CA10: variants seen among roughly 807,000 people sequenced by gnomAD.
CA10 encodes carbonic anhydrase-related protein 10.
CA10 carries 14 observed loss-of-function variants against 44.2 expected under a neutral mutation model. The ratio of observed to expected loss-of-function variants is 0.32; its 90% CI spans 0.21 to 0.50. The LOEUF is 0.50. Ranked by LOEUF, CA10 falls within the 20% of genes least tolerant of loss-of-function variation. The probability of loss-of-function intolerance (pLI) is 0.99; values close to 1 mark genes in which losing one functional copy is unlikely to be tolerated. For missense variants in CA10, 350 were observed against 409.7 expected, an observed-to-expected ratio of 0.85 and a Z score of 1.26; for synonymous variants, 159 against 141.6, an observed-to-expected ratio of 1.12 and a Z score of -0.87.
chr17:51,670,363 G>C (rs1242940631), intron 4 of CA10, among the ~76,000 whole-genome samples: 1 of 152,190 alleles, frequency 6.6e-6, no homozygotes, highest in Non-Finnish European at 1.5e-5. Flanking sequence ...TGAAGTGGGG[G>C]AGGTGAAATA....
intron 2 of CA10, among the ~76,000 whole-genome samples, chr17:52,057,769 AAGC>A (rs1377900573): frequency 6.6e-6 from 1 of 152,152 alleles, no homozygotes; most frequent in Non-Finnish European, 1.5e-5. Context: ...GGATAATAAA[AAGC>A]AGGTCATTTG....
At chr17:51,957,618 C>T (rs926914877) in intron 2 of CA10, among the ~76,000 whole-genome samples, 9 of 152,096 alleles carry the variant, frequency 5.9e-5, no homozygotes, top group African/African-American at 1.9e-4. Flanking sequence ...ACTTGGAGTC[C>T]AAGTCCTGGT....
intron 3 of CA10, among the ~76,000 whole-genome samples, chr17:51,849,700 C>A (rs953630865): frequency 6.6e-6 from 1 of 152,134 alleles, no homozygotes; most frequent in Admixed American, 6.6e-5. Context: ...ATGTGCATTT[C>A]TTTCTTTTCT....
intron 2 of CA10, among the ~76,000 whole-genome samples, chr17:52,024,063 T>C (rs565556828): frequency 1.3e-5 from 2 of 152,238 alleles, no homozygotes; most frequent in South Asian, 4.1e-4. Context: ...ACTCCTACCT[T>C]ATTCTGCACT....
intron 1 of CA10, among the ~76,000 whole-genome samples, chr17:52,147,618 A>T (rs1017631883): frequency 6.6e-6 from 1 of 152,228 alleles, no homozygotes; most frequent in African/African-American, 2.4e-5. Flanking sequence ...GTAGAAAAAC[A>T]GGAATGAAAC....
chr17:51,859,754 GC>G (rs1413915572), intron 3 of CA10, among the ~76,000 whole-genome samples: 1 of 152,140 alleles, frequency 6.6e-6, no homozygotes, highest in East Asian at 1.9e-4. Context: ...AAGACGTGAT[GC>G]AAAAGGGCAT....
chr17:51,946,546 A>T (rs900368226), intron 2 of CA10, among the ~76,000 whole-genome samples: 2 of 152,040 alleles, frequency 1.3e-5, no homozygotes, highest in African/African-American at 4.8e-5. Context: ...CTCTGGCTGG[A>T]TGAGAGTCTG....
At chr17:52,088,681 A>G (rs1435163983) in intron 1 of CA10, among the ~76,000 whole-genome samples, 4 of 152,226 alleles carry the variant, frequency 2.6e-5, no homozygotes, top group Non-Finnish European at 5.9e-5. Context: ...TGCACTTCAA[A>G]ATAGGCATTT....
chr17:51,673,246 A>G (rs963782341), intron 4 of CA10, among the ~76,000 whole-genome samples: 7 of 152,238 alleles, frequency 4.6e-5, no homozygotes, highest in Non-Finnish European at 7.3e-5. Context: ...TTGATGTCCC[A>G]GATGGTAGAG....
chr17:51,859,891 A>C (rs969474136), intron 3 of CA10, among the ~76,000 whole-genome samples: 1 of 152,184 alleles, frequency 6.6e-6, no homozygotes, highest in Non-Finnish European at 1.5e-5. Flanking sequence ...CATGATACAC[A>C]TAAGAATAAA....
chr17:51,701,751 T>C (rs997827127), intron 4 of CA10, among the ~76,000 whole-genome samples: 3 of 152,234 alleles, frequency 2.0e-5, no homozygotes, highest in Admixed American at 2.0e-4. Flanking sequence ...AAAATCCTAT[T>C]TTGACAAATT....
At chr17:51,893,994 T>A (rs1005107512) in intron 3 of CA10, among the ~76,000 whole-genome samples, 1 of 152,208 alleles carries the variant, frequency 6.6e-6, no homozygotes, top group African/African-American at 2.4e-5. Context: ...CAACCTCATA[T>A]CCCATTAAAT....
At position 51,796,720 on chromosome 17, in the gene CA10, A is replaced by G. The variant is rs1032214317; in HGVS notation, c.280-48902T>C. Among the ~76,000 whole-genome samples, 4 of 152,236 alleles carry G rather than the reference A, an allele frequency of 2.6e-5. 1 individual carries two copies. In the South Asian group the frequency reaches 8.3e-4, roughly 32 times the overall value. ...GAAGTCATTCTCCTAACTTTAATGT[A>G]ACATCTGTCATTTCATCCTCTTCCT... On this transcript the variant is annotated intron_variant, in intron 3 of 8. Coordinates refer to ENST00000451037, the MANE Select transcript of CA10 (RefSeq NM_020178.5).
chr17:51,679,010 G>A (rs1040046456), intron 4 of CA10, among the ~76,000 whole-genome samples: 2 of 152,068 alleles, frequency 1.3e-5, no homozygotes, highest in African/African-American at 2.4e-5. Context: ...ATTCCTTCAT[G>A]TTCCAAAGCA....
chr17:51,824,502 A>T (rs1360767561), intron 3 of CA10, among the ~76,000 whole-genome samples: 1 of 152,208 alleles, frequency 6.6e-6, no homozygotes, highest in Non-Finnish European at 1.5e-5. Flanking sequence ...TGTACTTAAA[A>T]ATTCAGAAGT....
rs533574604 is a variant in CA10 at position 52,117,827 on chromosome 17, G to A, written c.61+39899C>T. ...CATGGAAATGTAAATTTTTGCCTAG[G>A]GCTAAAGAATTTTTTAAAATTAGAT... On this transcript the variant is annotated intron_variant, in intron 1 of 8. Coordinates refer to ENST00000451037, the MANE Select transcript of CA10 (RefSeq NM_020178.5). 1.5e-3 allele frequency among the ~76,000 whole-genome samples: 235 copies of A among 152,228 alleles called. 1 individual carries two copies. The highest frequency in any genetic ancestry group is 2.5e-3 in the Non-Finnish European group (173 of 68,016).
At chr17:51,721,528 G>T (rs1916348770) in intron 4 of CA10, among the ~76,000 whole-genome samples, 1 of 151,752 alleles carries the variant, frequency 6.6e-6, no homozygotes, top group Non-Finnish European at 1.5e-5. Context: ...GTAGAGATGG[G>T]TTTCACTTGC....
intron 1 of CA10, among the ~76,000 whole-genome samples, chr17:52,108,194 T>TTATATA (rs71149392): frequency 1.0e-4 from 6 of 57,986 alleles, no homozygotes; most frequent in East Asian, 7.5e-4. Context: ...TATATATTTT[T>TTATATA]TATATATATA....
chr17:51,748,814 T>C (rs954682044), intron 3 of CA10, among the ~76,000 whole-genome samples: 5 of 152,256 alleles, frequency 3.3e-5, no homozygotes, highest in Non-Finnish European at 4.4e-5. Context: ...TTTTCATATA[T>C]GTGCTCTATA....
Sources: gnomAD v4.1 joint callset for allele counts (sites outside exome capture counted in the v4.1 genomes callset) on GRCh38, gnomAD v4.1.1 for gene constraint, MANE v1.5 for transcripts, NCBI Gene and HGNC (gene_info 2026-07-23, HGNC 2026-07-21) for gene names.